The following VDR variants were observed in gnomAD, a reference collection of about 807,000 sequenced individuals.
VDR encodes vitamin D3 receptor.
In VDR, 19 loss-of-function variants were observed where a neutral mutation model predicts 39.7. The observed-to-expected ratio is 0.48, with a 90% CI of 0.33 to 0.70. The LOEUF is 0.70. Among genes scored for constraint, VDR ranks in the 30% least tolerant of loss-of-function variants. The pLI, the probability that VDR is intolerant of heterozygous loss-of-function variation, is 0.02. For missense variants in VDR, 442 were observed against 570.5 expected, an observed-to-expected ratio of 0.77 and a Z score of 2.29; for synonymous variants, 242 against 215.8, an observed-to-expected ratio of 1.12 and a Z score of -1.07.
intron 1 of VDR, among the ~76,000 whole-genome samples, chr12:47,897,799 A>T (rs1946488859): frequency 1.3e-5 from 2 of 152,194 alleles, no homozygotes; most frequent in Admixed American, 1.3e-4. Context: ...ACAAGGCCAG[A>T]CTCTGAAGAG....
chr12:47,864,320 T>C (rs911855024), intron 4 of VDR, among the ~76,000 whole-genome samples: 2 of 152,240 alleles, frequency 1.3e-5, no homozygotes, highest in Admixed American at 1.3e-4. Context: ...TTGTTTTCAG[T>C]GATGGGTCAA....
At chr12:47,849,043 C>T (rs1388207257) in intron 7 of VDR, among the ~76,000 whole-genome samples, 1 of 152,180 alleles carries the variant, frequency 6.6e-6, no homozygotes, top group Admixed American at 6.5e-5. Context: ...ATGGGCTTGT[C>T]TGAACAATGG....
intron 4 of VDR, among the ~76,000 whole-genome samples, chr12:47,864,523 C>T (rs1364637519): frequency 6.6e-6 from 1 of 152,212 alleles, no homozygotes; most frequent in African/African-American, 2.4e-5. Flanking sequence ...GCCAGAGAGG[C>T]TGGGAGGCTG....
chr12:47,889,982 T>G, intron 1 of VDR, among the ~76,000 whole-genome samples: 1 of 148,884 alleles, frequency 6.7e-6, no homozygotes, highest in African/African-American at 2.5e-5. Context: ...CGGTTTTTTG[T>G]TTTTTTTTTA....
intron 3 of VDR, 189 bp downstream of exon 3, chr12:47,878,779 C>T (rs1053049992): frequency 3.1e-5 from 28 of 897,536 alleles, no homozygotes; most frequent in Admixed American, 8.0e-5. Flanking sequence ...AGAGGAACAT[C>T]TGGAGCTGAG....
intron 3 of VDR, among the ~76,000 whole-genome samples, chr12:47,866,788 G>C (rs906307592): frequency 1.3e-5 from 2 of 151,954 alleles, no homozygotes; most frequent in Non-Finnish European, 2.9e-5. Context: ...TAAGGAGTTT[G>C]AGACCAGCCT....
At position 47,842,418 on chromosome 12, in the gene VDR, G is replaced by C. The variant is rs770829205; in HGVS notation, c.*2328C>G. 17 of 152,350 alleles carry C rather than the reference G, an allele frequency of 1.1e-4. No homozygotes were observed. Among genetic ancestry groups the C allele is most frequent in the Non-Finnish European group, 2.2e-4 (15 of 68,054 alleles). The allele number at this position is 152,350 out of a possible 1,614,324, so 9.4% of individuals were successfully genotyped here. A position where few individuals can be genotyped will look rare whatever the true frequency, so the allele number is the denominator to read the frequency against. ...GAGTGGGGGTCTGAGCTCAAACATG[G>C]TGTAGTGAAAAGGACACCGGACCAT... On this transcript the variant is annotated 3_prime_UTR_variant, in exon 10 of 10. Coordinates refer to ENST00000549336, the MANE Select transcript of VDR (RefSeq NM_000376.3).
chr12:47,886,655 T>C lies in VDR; in HGVS notation c.-83-3881A>G, dbSNP rs531153171. On this transcript the variant is annotated intron_variant, in intron 1 of 9. Coordinates refer to ENST00000549336, the MANE Select transcript of VDR (RefSeq NM_000376.3). Reference sequence around the variant, plus strand: ...AAATTATTTTCTACAGACCACAATGTCCACAGTAAAACCCAAGAGATAACA... The same window carrying C: ...AAATTATTTTCTACAGACCACAATGCCCACAGTAAAACCCAAGAGATAACA... 3.9e-5 allele frequency among the ~76,000 whole-genome samples: 6 copies of C among 152,336 alleles called. No homozygotes were observed. The East Asian group carries it at 1.2e-3, about 29-fold the overall frequency.
intron 1 of VDR, 172 bp downstream of exon 1, chr12:47,904,783 C>T (rs1211860601): frequency 2.9e-6 from 2 of 687,930 alleles, no homozygotes; most frequent in Non-Finnish European, 4.8e-6. Flanking sequence ...ACCTCAGTGC[C>T]CCTTAGTGTC....
intron 3 of VDR, among the ~76,000 whole-genome samples, chr12:47,877,564 T>G (rs1438965249): frequency 1.3e-5 from 2 of 152,140 alleles, no homozygotes; most frequent in Non-Finnish European, 2.9e-5. Context: ...CCCCAGACCA[T>G]GCCTTTCTGA....
intron 1 of VDR, among the ~76,000 whole-genome samples, chr12:47,891,947 A>AG (rs1393277130): frequency 6.6e-6 from 1 of 150,644 alleles, no homozygotes; most frequent in African/African-American, 2.4e-5. Flanking sequence ...ACTCAGGAGA[A>AG]GGCTGAGGTG....
chr12:47,882,976 G>T, intron 1 of VDR: 1 of 526,752 alleles, frequency 1.9e-6, no homozygotes, highest in Non-Finnish European at 3.3e-6. Context: ...CAGCAGCCAG[G>T]ATGGCCCTCC....
Position 47,865,079 on chromosome 12 carries a change from T to A in VDR, c.245A>T (p.Lys82Ile). ...NRRHCQACRL[K>I]RCVDIGMMKE... ...CATCATGCCGATGTCCACACAGCGT[T>A]TGAGCCGGCAGGCCTGGCAGTGGCG... The change falls in exon 4 of 10, where the codon AAA (lysine) becomes ATA (isoleucine). Residue 82 changes from lysine (K) to isoleucine (I), a missense_variant. By Grantham distance (102) the Lys-to-Ile change is moderately radical. Around this residue, in one of 5 missense-constraint regions of VDR, gnomAD observed 141 missense variants for 141.3 expected, o/e 1.00. Transcript: ENST00000549336. The A allele has an allele frequency of 6.2e-7, 1 of 1,613,954 alleles. No homozygotes were observed. Among genetic ancestry groups the A allele is most frequent in the African/African-American group, 1.3e-5 (1 of 75,072 alleles).
intron 4 of VDR, among the ~76,000 whole-genome samples, chr12:47,859,914 C>CTTT (rs1565615345): frequency 6.2e-3 from 337 of 54,558 alleles, no homozygotes; most frequent in Middle Eastern, 0.016. Flanking sequence ...TCCTTCCTTC[C>CTTT]TTCTTTCTTT....
rs1373642475 is a variant in VDR at position 47,842,440 on chromosome 12, C to G, written c.*2306G>C. 1 of 152,270 alleles carries G rather than the reference C, an allele frequency of 6.6e-6. No individual in the cohort carries two copies. Among genetic ancestry groups the G allele is most frequent in the Admixed American group, 6.5e-5 (1 of 15,274 alleles). The allele number at this position is 152,270 out of a possible 1,614,324, so 9.4% of individuals were successfully genotyped here. A position where few individuals can be genotyped will look rare whatever the true frequency, so the allele number is the denominator to read the frequency against. ...ATGGTGTAGTGAAAAGGACACCGGA[C>G]CATGACTCCAAAATCTGGTCCTGTC... On this transcript the variant is annotated 3_prime_UTR_variant, in exon 10 of 10. Transcript: ENST00000549336.
intron 3 of VDR, among the ~76,000 whole-genome samples, chr12:47,871,509 G>A (rs1285229128): frequency 9.3e-5 from 13 of 140,184 alleles, no homozygotes; most frequent in African/African-American, 3.3e-4. Context: ...TGTCACCCAC[G>A]CTGGAGTGCA....
In VDR at chr12:47,855,683, G is replaced by C; in HGVS notation, c.702C>G (p.Val234=). The C allele has an allele frequency of 6.2e-7, 1 of 1,614,144 alleles. No individual in the cohort carries two copies. The highest frequency in any genetic ancestry group is 8.5e-7 in the Non-Finnish European group (1 of 1,180,022). Residue 234 remains valine (V), a synonymous_variant, in exon 7 of 10, where the codon GTC becomes GTG. Coordinates refer to ENST00000549336, the MANE Select transcript of VDR (RefSeq NM_000376.3). ...CAATGACCTTTTGGATGCTGTAACT[G>C]ACCAGGTCAGCCAGGTGGGGCAGCA... is the stretch of plus-strand genomic sequence containing the variant. ...LSMLPHLADL[V]SYSIQKVIGF...
intron 7 of VDR, among the ~76,000 whole-genome samples, chr12:47,847,883 C>T (rs1206937850): frequency 1.3e-5 from 2 of 152,208 alleles, no homozygotes; most frequent in Non-Finnish European, 2.9e-5. Flanking sequence ...GCTGGGACTA[C>T]AGGTGCACAC....
At chr12:47,874,237 G>A (rs1481458841) in intron 3 of VDR, among the ~76,000 whole-genome samples, 1 of 152,164 alleles carries the variant, frequency 6.6e-6, no homozygotes, top group Non-Finnish European at 1.5e-5. Flanking sequence ...GAGGTCAGCT[G>A]CCAAAGTGGA....
Sources: gnomAD v4.1 joint callset for allele counts (sites outside exome capture counted in the v4.1 genomes callset) on GRCh38, gnomAD v4.1.1 for gene constraint, gnomAD v4.1.1 regional missense constraint, MANE v1.5 for transcripts, NCBI Gene and HGNC (gene_info 2026-07-23, HGNC 2026-07-21) for gene names.